KCNH7: variants seen among roughly 807,000 people sequenced by gnomAD.
KCNH7 encodes voltage-gated inwardly rectifying potassium channel KCNH7.
KCNH7 carries 49 observed loss-of-function variants against 120.8 expected under a neutral mutation model. The observed-to-expected ratio is 0.41, with a 90% confidence interval of 0.32 to 0.51. KCNH7 has a LOEUF of 0.51. Among genes scored for constraint, KCNH7 ranks in the 20% least tolerant of loss-of-function variants. The pLI, the probability that KCNH7 is intolerant of heterozygous loss-of-function variation, is 0.38. For missense variants in KCNH7, 1,097 were observed against 1,446.6 expected, an observed-to-expected ratio of 0.76 and a Z score of 3.92; for synonymous variants, 547 against 516.1, an observed-to-expected ratio of 1.06 and a Z score of -0.81.
chr2:162,484,995 C>G (rs1300155496), intron 6 of KCNH7, among the ~76,000 whole-genome samples: 8 of 152,070 alleles, frequency 5.3e-5, no homozygotes, highest in Admixed American at 5.2e-4. Context: ...TCAGGTATTC[C>G]TTTAGAGCCA....
intron 3 of KCNH7, among the ~76,000 whole-genome samples, chr2:162,519,116 C>T (rs980309564): frequency 2.1e-4 from 32 of 151,680 alleles, no homozygotes; most frequent in Non-Finnish European, 2.9e-5. Context: ...AGCATTCTGA[C>T]ATTTTGGCGG....
chr2:162,746,832 T>A (rs1267739292), intron 2 of KCNH7, among the ~76,000 whole-genome samples: 1 of 152,134 alleles, frequency 6.6e-6, no homozygotes, highest in East Asian at 1.9e-4. Flanking sequence ...ACTTGAGTTG[T>A]CCATGAAGCC....
intron 6 of KCNH7, among the ~76,000 whole-genome samples, chr2:162,465,693 A>T (rs1294985967): frequency 1.3e-5 from 2 of 152,172 alleles, no homozygotes; most frequent in East Asian, 1.9e-4. Flanking sequence ...GCAGAATCTG[A>T]CTATAGTTAA....
intron 8 of KCNH7, among the ~76,000 whole-genome samples, chr2:162,426,279 T>C (rs1276122432): frequency 6.6e-6 from 1 of 151,968 alleles, no homozygotes; most frequent in Non-Finnish European, 1.5e-5. Flanking sequence ...TGATTATGAC[T>C]TTTAAATTAT....
intron 2 of KCNH7, among the ~76,000 whole-genome samples, chr2:162,701,645 T>C (rs929019112): frequency 6.6e-5 from 10 of 152,160 alleles, no homozygotes; most frequent in Admixed American, 4.6e-4. Context: ...TAAAAGTCAG[T>C]CACTAGACAG....
At chr2:162,410,118 C>A (rs1687340771) in intron 9 of KCNH7, among the ~76,000 whole-genome samples, 1 of 151,880 alleles carries the variant, frequency 6.6e-6, no homozygotes, top group South Asian at 2.1e-4. Flanking sequence ...TCCTGAATTG[C>A]CAAAGGAATT....
In KCNH7 at chr2:162,779,527, C is replaced by T. The variant is rs115827298; in HGVS notation, c.307+57010G>A. 6.2e-3 allele frequency among the ~76,000 whole-genome samples: 947 copies of T among 152,180 alleles called. 5 individuals are homozygous for T. The highest frequency in any genetic ancestry group is 9.3e-3 in the African/African-American group (387 of 41,554). On this transcript the variant is annotated intron_variant, in intron 2 of 15. Coordinates refer to ENST00000332142, the MANE Select transcript of KCNH7 (RefSeq NM_033272.4). ...AAAAATTTATATACATCTTTTTATACGCGTGCACACAATATTATACTCTTT... is the reference window on the plus strand; with the variant it reads ...AAAAATTTATATACATCTTTTTATATGCGTGCACACAATATTATACTCTTT...
intron 2 of KCNH7, among the ~76,000 whole-genome samples, chr2:162,820,033 C>CTTTTTTTTTTTTTTTTTT (rs66809770): frequency 1.3e-5 from 1 of 77,040 alleles, no homozygotes; most frequent in Non-Finnish European, 2.4e-5. Flanking sequence ...ATTCCATAAA[C>CTTTTTTTTTTTTTTTTTT]TTTTTTTTTT....
chr2:162,470,713 C>T (rs912847074), intron 6 of KCNH7, among the ~76,000 whole-genome samples: 5 of 152,314 alleles, frequency 3.3e-5, no homozygotes, highest in Non-Finnish European at 7.4e-5. Flanking sequence ...TGAGGAGCTT[C>T]TCTGCTCGGC....
chr2:162,559,771 T>C (rs941281488), intron 2 of KCNH7, among the ~76,000 whole-genome samples: 1 of 152,206 alleles, frequency 6.6e-6, no homozygotes, highest in African/African-American at 2.4e-5. Context: ...GGATGAACTA[T>C]ATACCTGAGC....
At chr2:162,775,955 G>A (rs1257848829) in intron 2 of KCNH7, among the ~76,000 whole-genome samples, 1 of 152,114 alleles carries the variant, frequency 6.6e-6, no homozygotes, top group Non-Finnish European at 1.5e-5. Flanking sequence ...ATCTATGCCT[G>A]GTTTTCTCAT....
chr2:162,583,042 G>A (rs1693929598), intron 2 of KCNH7, among the ~76,000 whole-genome samples: 1 of 151,782 alleles, frequency 6.6e-6, no homozygotes, highest in Non-Finnish European at 1.5e-5. Flanking sequence ...AACAATGGAG[G>A]CAACTTCTGT....
chr2:162,525,983 AT>A (rs1691691202), intron 3 of KCNH7, among the ~76,000 whole-genome samples: 1 of 151,896 alleles, frequency 6.6e-6, no homozygotes, highest in Non-Finnish European at 1.5e-5. Flanking sequence ...ATCGGGTGAA[AT>A]TCACCCCCAA....
intron 2 of KCNH7, among the ~76,000 whole-genome samples, chr2:162,779,848 C>T (rs1683409133): frequency 6.6e-6 from 1 of 152,150 alleles, no homozygotes; most frequent in Admixed American, 6.6e-5. Flanking sequence ...TTTAATTAAT[C>T]TCTCTCTTGC....
intron 2 of KCNH7, chr2:162,796,847 T>G (rs1684164969): frequency 6.6e-6 from 1 of 152,068 alleles, no homozygotes. Flanking sequence ...ATCTTGTTTT[T>G]TTTTTTAAAT....
chr2:162,388,320 G>T (rs78865966), intron 12 of KCNH7, among the ~76,000 whole-genome samples: 6,123 of 151,620 alleles, frequency 0.04, 168 homozygotes, highest in Non-Finnish European at 0.055. Flanking sequence ...ATACTTAGAA[G>T]TTGCTAAGAG....
At chr2:162,522,152 G>A (rs1373595565) in intron 3 of KCNH7, among the ~76,000 whole-genome samples, 2 of 151,880 alleles carry the variant, frequency 1.3e-5, no homozygotes, top group African/African-American at 2.4e-5. Context: ...TAATTGCCAA[G>A]TTGAAAATCA....
At chr2:162,637,432 T>C (rs1184795404) in intron 2 of KCNH7, among the ~76,000 whole-genome samples, 1 of 152,094 alleles carries the variant, frequency 6.6e-6, no homozygotes, top group Non-Finnish European at 1.5e-5. Context: ...CTAATCCATT[T>C]AACTAATTAG....
intron 2 of KCNH7, among the ~76,000 whole-genome samples, chr2:162,654,671 A>T (rs1559066357): frequency 6.6e-6 from 1 of 152,168 alleles, no homozygotes; most frequent in African/African-American, 2.4e-5. Flanking sequence ...AAATGAAATC[A>T]GTATGTCAAA....
Sources: gnomAD v4.1 joint callset for allele counts (sites outside exome capture counted in the v4.1 genomes callset) on GRCh38, gnomAD v4.1.1 for gene constraint, MANE v1.5 for transcripts, NCBI Gene and HGNC (gene_info 2026-07-23, HGNC 2026-07-21) for gene names.